PRELID2: variants seen among roughly 807,000 people sequenced by gnomAD.
The protein encoded by PRELID2 is PRELI domain-containing protein 2.
Under a neutral mutation model 28.4 loss-of-function variants are expected in PRELID2, and 25 were observed. That is an observed-to-expected ratio of 0.88 (90% CI 0.64 to 1.23). The LOEUF (loss-of-function observed/expected upper bound fraction) is 1.23. Ranked by LOEUF, PRELID2 falls within the 50% of genes most tolerant of loss-of-function variation. PRELID2 has a pLI of 0.00. For missense variants in PRELID2, 201 were observed against 214.4 expected, an observed-to-expected ratio of 0.94 and a Z score of 0.39; for synonymous variants, 76 against 71.6, an observed-to-expected ratio of 1.06 and a Z score of -0.31.
the PRELID2 span, among the ~76,000 whole-genome samples, chr5:145,294,733 GT>G: frequency 6.6e-6 from 1 of 152,152 alleles, no homozygotes; most frequent in Non-Finnish European, 1.5e-5. Flanking sequence ...GATCCATGTA[GT>G]TTAGGTGATA....
the PRELID2 span, among the ~76,000 whole-genome samples, chr5:145,239,436 G>A: frequency 3.9e-5 from 6 of 151,974 alleles, no homozygotes; most frequent in Non-Finnish European, 7.4e-5. Context: ...TGGGTCAGCA[G>A]AGGCCCAGAG....
At chr5:145,313,965 C>T in the PRELID2 span, among the ~76,000 whole-genome samples, 632 of 152,262 alleles carry the variant, frequency 4.2e-3, 3 homozygotes, top group African/African-American at 0.014. Context: ...GTTCTGATGG[C>T]CGTTTCAAAG....
intron 1 of PRELID2, among the ~76,000 whole-genome samples, chr5:145,544,499 G>C (rs1483722840): frequency 6.6e-6 from 1 of 152,040 alleles, no homozygotes; most frequent in African/African-American, 2.4e-5. Flanking sequence ...TTATAGATCA[G>C]TTGCTTGTGA....
At chr5:145,578,903 C>T (rs1373450877) in intron 1 of PRELID2, among the ~76,000 whole-genome samples, 2 of 151,972 alleles carry the variant, frequency 1.3e-5, no homozygotes, top group Non-Finnish European at 2.9e-5. Flanking sequence ...GAACTTTGAA[C>T]AGTTTATAGT....
chr5:145,785,376 C>G (rs1473226050), intron 5 of PRELID2, among the ~76,000 whole-genome samples: 1 of 152,182 alleles, frequency 6.6e-6, no homozygotes, highest in African/African-American at 2.4e-5. Context: ...AAAGGCACAG[C>G]ATACTATGCT....
intron 1 of PRELID2, among the ~76,000 whole-genome samples, chr5:145,668,885 G>C (rs947278549): frequency 2.0e-5 from 3 of 152,108 alleles, no homozygotes; most frequent in Non-Finnish European, 2.9e-5. Flanking sequence ...TGATTTGCTT[G>C]ACTAATAGCT....
At chr5:145,800,126 A>C (rs567182275) in intron 4 of PRELID2, among the ~76,000 whole-genome samples, 1 of 152,282 alleles carries the variant, frequency 6.6e-6, no homozygotes, top group South Asian at 2.1e-4. Flanking sequence ...AATCAAAAAA[A>C]ATCTGAGAAA....
the PRELID2 span, among the ~76,000 whole-genome samples, chr5:145,271,096 C>T: frequency 2.0e-5 from 3 of 152,000 alleles, no homozygotes; most frequent in East Asian, 1.9e-4. Flanking sequence ...ATCACAAGAA[C>T]GTCATGGGGT....
chr5:145,246,014 A>G, the PRELID2 span, among the ~76,000 whole-genome samples: 3 of 152,064 alleles, frequency 2.0e-5, no homozygotes, highest in African/African-American at 7.2e-5. Context: ...TTAATTTGGG[A>G]CACAATGAAA....
chr5:145,732,262 T>C (rs1465620251), intron 1 of PRELID2, among the ~76,000 whole-genome samples: 1 of 152,206 alleles, frequency 6.6e-6, no homozygotes, highest in Non-Finnish European at 1.5e-5. Context: ...CTGTCTCCCA[T>C]CTACTTTATC....
the PRELID2 span, among the ~76,000 whole-genome samples, chr5:145,412,972 G>C: frequency 6.6e-6 from 1 of 151,958 alleles, no homozygotes; most frequent in African/African-American, 2.4e-5. Context: ...GAACCGCATG[G>C]GGGAAACCAC....
the PRELID2 span, among the ~76,000 whole-genome samples, chr5:145,282,700 G>C: frequency 1.6e-4 from 24 of 151,930 alleles, no homozygotes; most frequent in African/African-American, 5.8e-4. Flanking sequence ...TTGTATTTTA[G>C]TAGAGACAGG....
the PRELID2 span, among the ~76,000 whole-genome samples, chr5:145,370,147 G>T: frequency 5.3e-5 from 8 of 151,898 alleles, no homozygotes; most frequent in Non-Finnish European, 7.4e-5. Context: ...TGTCAATTTT[G>T]GGTTTTGTTG....
the PRELID2 span, among the ~76,000 whole-genome samples, chr5:145,389,786 G>C: frequency 6.6e-6 from 1 of 152,194 alleles, no homozygotes; most frequent in African/African-American, 2.4e-5. Context: ...GTCCAGAGGA[G>C]AGGCTAAGGT....
chr5:145,486,076 T>C (rs1333547646), intron 1 of PRELID2, among the ~76,000 whole-genome samples: 7 of 152,174 alleles, frequency 4.6e-5, no homozygotes, highest in Admixed American at 4.6e-4. Context: ...CTCTCATTGT[T>C]TTCACCTAGA....
At chr5:145,422,705 T>C in the PRELID2 span, among the ~76,000 whole-genome samples, 1 of 152,260 alleles carries the variant, frequency 6.6e-6, no homozygotes, top group Non-Finnish European at 1.5e-5. Context: ...CCAGTGTGTG[T>C]CTTTTAATTG....
rs1237018541 is a variant in PRELID2, at chr5:145,714,005, A to G, written n.70+50926T>C. 2.0e-5 allele frequency among the ~76,000 whole-genome samples: 3 copies of G among 152,144 alleles called. No homozygotes were observed. The East Asian group carries it at 5.8e-4, about 30-fold the overall frequency. ...AAACAAAAACTAAAAAAAAAAGTCT[A>G]TAGCAGACTAAGAACTGGCTAACTC... On this transcript the variant is annotated intron_variant and non_coding_transcript_variant, in intron 1 of 2. Transcript: ENST00000510259.
chr5:145,787,843 C>A (rs537959256), intron 5 of PRELID2, among the ~76,000 whole-genome samples: 2 of 152,248 alleles, frequency 1.3e-5, no homozygotes, highest in South Asian at 2.1e-4. Context: ...ACCCTGCTAT[C>A]TTCACTTTTT....
At chr5:145,246,478 G>T in the PRELID2 span, among the ~76,000 whole-genome samples, 1 of 152,086 alleles carries the variant, frequency 6.6e-6, no homozygotes, top group Non-Finnish European at 1.5e-5. Context: ...TAAAAGTGTG[G>T]TATATTAATA....
Sources: gnomAD v4.1 joint callset for allele counts (sites outside exome capture counted in the v4.1 genomes callset) on GRCh38, gnomAD v4.1.1 for gene constraint, MANE v1.5 for transcripts, NCBI Gene and HGNC (gene_info 2026-07-23, HGNC 2026-07-21) for gene names.